TECPR2: variants seen among roughly 807,000 people sequenced by gnomAD.
TECPR2 encodes the protein tectonin beta-propeller repeat-containing protein 2.
A neutral mutation model predicts 138.1 loss-of-function variants in TECPR2; 65 were observed. The ratio of observed to expected loss-of-function variants is 0.47; its 90% CI spans 0.39 to 0.58. The LOEUF is 0.58. Ranked by LOEUF, TECPR2 falls within the 20% of genes least tolerant of loss-of-function variation. The pLI is 0.00. For missense variants in TECPR2, 1,553 were observed against 1,824.5 expected (o/e 0.85, Z 2.71); for synonymous variants, 746 against 749.8 (o/e 0.99, Z 0.08).
chr14:102,372,422 C>T (rs921757595), intron 1 of TECPR2, among the ~76,000 whole-genome samples: 3 of 152,128 alleles, frequency 2.0e-5, no homozygotes, highest in Non-Finnish European at 4.4e-5. Context: ...TGCGCCACCA[C>T]GCCCAGGTAA....
At chr14:102,442,895 A>G (rs1468159236) in intron 11 of TECPR2, among the ~76,000 whole-genome samples, 5 of 152,208 alleles carry the variant, frequency 3.3e-5, no homozygotes, top group African/African-American at 1.2e-4. Flanking sequence ...ATTTAGACAT[A>G]CTTTATTGAC....
Position 102,376,869 on chromosome 14 carries a change from G to A in TECPR2, c.148G>A (p.Val50Met). The change falls in exon 2 of 20, where the codon GTG becomes ATG. Residue 50 changes from valine to methionine, a missense_variant. Coordinates refer to ENST00000359520, the MANE Select transcript of TECPR2 (RefSeq NM_014844.5). ...CGACACCAACGGGGACTACATCGCG[G>A]TGGGCAGCAGCATCGGCATGCTCTA... ...ALDTNGDYIA[V>M]GSSIGMLYLY... 4 of 1,614,170 alleles carry A rather than the reference G, an allele frequency of 2.5e-6. No homozygotes were observed. The highest frequency in any genetic ancestry group is 3.4e-6 in the Non-Finnish European group (4 of 1,180,044).
chr14:102,469,235 ATCT>A (rs1890612639), intron 17 of TECPR2, among the ~76,000 whole-genome samples: 1 of 152,108 alleles, frequency 6.6e-6, no homozygotes, highest in African/African-American at 2.4e-5. Context: ...ATTTATTTAG[ATCT>A]TCTTTACTTT....
intron 2 of TECPR2, among the ~76,000 whole-genome samples, chr14:102,399,261 C>CA (rs1197196699): frequency 1.3e-5 from 2 of 151,816 alleles, no homozygotes; most frequent in African/African-American, 4.8e-5. Flanking sequence ...GAATCTGTCT[C>CA]AAAAAACAAA....
intron 16 of TECPR2, among the ~76,000 whole-genome samples, chr14:102,464,716 GT>G (rs773437587): frequency 1.2e-4 from 18 of 152,176 alleles, no homozygotes; most frequent in Non-Finnish European, 2.4e-4. Context: ...AAGATTATCT[GT>G]AAATACGAGT....
intron 1 of TECPR2, among the ~76,000 whole-genome samples, chr14:102,372,218 T>G (rs1262747614): frequency 6.6e-6 from 1 of 152,138 alleles, no homozygotes; most frequent in South Asian, 2.1e-4. Context: ...CCCAAAGTGC[T>G]AGGATTACAG....
At chr14:102,401,689 C>T (rs936178794) in intron 2 of TECPR2, among the ~76,000 whole-genome samples, 1 of 150,392 alleles carries the variant, frequency 6.6e-6, no homozygotes, top group Non-Finnish European at 1.5e-5. Flanking sequence ...CCTGTAGTCC[C>T]AGCTACTCAG....
At chr14:102,380,294 G>A (rs531726947) in intron 2 of TECPR2, among the ~76,000 whole-genome samples, 1 of 152,290 alleles carries the variant, frequency 6.6e-6, no homozygotes, top group African/African-American at 2.4e-5. Flanking sequence ...GAACAATGAC[G>A]TATTACCTGT....
At chr14:102,365,361 T>A (rs1309248448) in intron 1 of TECPR2, among the ~76,000 whole-genome samples, 1 of 152,198 alleles carries the variant, frequency 6.6e-6, no homozygotes, top group African/African-American at 2.4e-5. Flanking sequence ...TTATGAAGGC[T>A]TCCTGGTGGC....
intron 2 of TECPR2, among the ~76,000 whole-genome samples, chr14:102,380,536 T>C (rs1455778798): frequency 1.3e-5 from 2 of 152,212 alleles, no homozygotes; most frequent in Non-Finnish European, 1.5e-5. Flanking sequence ...ACCATGCCCA[T>C]GATTCAGTTA....
intron 1 of TECPR2, among the ~76,000 whole-genome samples, chr14:102,374,117 G>A (rs1338486387): frequency 1.3e-5 from 2 of 151,114 alleles, no homozygotes; most frequent in Non-Finnish European, 3.0e-5. Flanking sequence ...AAAAATGCTT[G>A]GAAAACTGGA....
chr14:102,468,477 G>A (rs926959315), intron 17 of TECPR2, among the ~76,000 whole-genome samples: 73 of 152,292 alleles, frequency 4.8e-4, no homozygotes, highest in African/African-American at 1.3e-3. Context: ...GTGAGCCACC[G>A]TGCCCAGCCT....
chr14:102,387,585 G>A (rs1888044179), intron 2 of TECPR2, among the ~76,000 whole-genome samples: 1 of 151,108 alleles, frequency 6.6e-6, no homozygotes, highest in South Asian at 2.1e-4. Context: ...GGAGTGCAGC[G>A]GCGCCATCTC....
At chr14:102,474,623 T>G (rs932984972) in intron 17 of TECPR2, among the ~76,000 whole-genome samples, 5 of 151,990 alleles carry the variant, frequency 3.3e-5, no homozygotes, top group African/African-American at 1.2e-4. Flanking sequence ...AAACTCCATC[T>G]CAAAAAAAAG....
intron 6 of TECPR2, among the ~76,000 whole-genome samples, chr14:102,427,584 G>T (rs1355468534): frequency 6.6e-6 from 1 of 152,182 alleles, no homozygotes; most frequent in Non-Finnish European, 1.5e-5. Flanking sequence ...GTCAGTGTGG[G>T]CTCAGGATGT....
intron 17 of TECPR2, among the ~76,000 whole-genome samples, chr14:102,487,843 T>C (rs1279673419): frequency 7.1e-6 from 1 of 140,600 alleles, no homozygotes; most frequent in Non-Finnish European, 1.6e-5. Context: ...GCCCGGCCTG[T>C]TTGTTTTTTT....
At chr14:102,485,311 G>C (rs1037049715) in intron 17 of TECPR2, among the ~76,000 whole-genome samples, 2 of 152,198 alleles carry the variant, frequency 1.3e-5, no homozygotes, top group Non-Finnish European at 2.9e-5. Context: ...CCAAACTGCT[G>C]TCTAATGGTG....
chr14:102,480,834 G>T (rs1171287883), intron 17 of TECPR2, among the ~76,000 whole-genome samples: 3 of 123,064 alleles, frequency 2.4e-5, no homozygotes, highest in East Asian at 2.5e-4. Context: ...TTGTTTTTTG[G>T]TTTTGGGTTT....
Position 102,434,232 on chromosome 14 carries a change from T to C in TECPR2, c.1418-3T>C, listed in dbSNP as rs774354008. 2 of 1,365,004 alleles carry C rather than the reference T, an allele frequency of 1.5e-6. No individual in the cohort carries two copies. The highest frequency in any genetic ancestry group is 2.7e-5 in the Admixed American group (1 of 36,790). 84.6% of individuals were successfully genotyped at this position (1,365,004 alleles called of 1,614,324 possible). A position where few individuals can be genotyped will look rare whatever the true frequency, so the allele number is the denominator to read the frequency against. ...TATTTTGAATGTTCTTATTCTGAATTAGAAGGTGGAAGCAGGAGCACCTGT... is the reference window on the plus strand; with the variant it reads ...TATTTTGAATGTTCTTATTCTGAATCAGAAGGTGGAAGCAGGAGCACCTGT... On this transcript the variant is annotated splice_polypyrimidine_tract_variant and splice_region_variant and intron_variant, in intron 8 of 19. Coordinates refer to ENST00000359520, the MANE Select transcript of TECPR2 (RefSeq NM_014844.5).
Sources: gnomAD v4.1 joint callset for allele counts (sites outside exome capture counted in the v4.1 genomes callset) on GRCh38, gnomAD v4.1.1 for gene constraint, MANE v1.5 for transcripts, NCBI Gene and HGNC (gene_info 2026-07-23, HGNC 2026-07-21) for gene names.